The following CSMD1 variants were observed in gnomAD, a reference collection of about 807,000 sequenced individuals.
CSMD1 encodes CUB and Sushi multiple domains 1.
A neutral mutation model predicts 417.5 loss-of-function variants in CSMD1; 213 were observed. The observed-to-expected ratio is 0.51, with a 90% confidence interval of 0.46 to 0.57. The LOEUF is 0.57. Among genes scored for constraint, CSMD1 ranks in the 20% least tolerant of loss-of-function variants. The probability of loss-of-function intolerance (pLI) is 0.00; values close to 1 mark genes in which losing one functional copy is unlikely to be tolerated. For missense variants in CSMD1, 6,923 were observed against 4,529.7 expected, an observed-to-expected ratio of 1.53 and a Z score of -15.17; for synonymous variants, 2,862 against 1,736.8, an observed-to-expected ratio of 1.65 and a Z score of -16.11.
intron 37 of CSMD1, among the ~76,000 whole-genome samples, chr8:3,167,498 T>C (rs191120532): frequency 1.3e-5 from 2 of 152,142 alleles, no homozygotes; most frequent in Non-Finnish European, 2.9e-5. Flanking sequence ...AACGCAGGCA[T>C]TGGGAAAGGA....
At position 4,206,511 on chromosome 8, in the gene CSMD1, G is replaced by T. The variant is rs368470704; in HGVS notation, c.416-174412C>A. On this transcript the variant is annotated intron_variant, in intron 3 of 69. Transcript: ENST00000635120. ...TCGTCCATGTCCCTACAAAGGACAT[G>T]AACTCATCCTTTTTTATGGCTGCCT... Among the ~76,000 whole-genome samples the T allele has an allele frequency of 1.2e-3, 186 of 152,260 alleles. No homozygotes were observed. In the Middle Eastern group the frequency reaches 0.02, roughly 17 times the overall value.
intron 1 of CSMD1, among the ~76,000 whole-genome samples, chr8:4,889,290 G>T (rs994059853): frequency 6.6e-6 from 1 of 152,076 alleles, no homozygotes; most frequent in African/African-American, 2.4e-5. Flanking sequence ...ATTGAATCAT[G>T]AGGAAACATT....
intron 2 of CSMD1, among the ~76,000 whole-genome samples, chr8:4,438,001 G>C (rs949681232): frequency 6.6e-6 from 1 of 152,104 alleles, no homozygotes; most frequent in Non-Finnish European, 1.5e-5. Flanking sequence ...AAAGTGGTCT[G>C]ATCTGCATTT....
intron 3 of CSMD1, among the ~76,000 whole-genome samples, chr8:4,079,732 T>C (rs1318484036): frequency 6.6e-6 from 1 of 152,216 alleles, no homozygotes. Context: ...GCCCAATGGA[T>C]ATTTTTGTAG....
intron 2 of CSMD1, among the ~76,000 whole-genome samples, chr8:4,567,632 G>T (rs976599388): frequency 1.3e-5 from 2 of 152,062 alleles, no homozygotes; most frequent in African/African-American, 4.8e-5. Flanking sequence ...ATGAGATGAT[G>T]CTCCTCCTTT....
chr8:3,271,855 G>C (rs929075864), intron 26 of CSMD1, among the ~76,000 whole-genome samples: 7 of 151,988 alleles, frequency 4.6e-5, no homozygotes, highest in African/African-American at 1.7e-4. Context: ...AGTAGGTTGT[G>C]AAAATTTTCT....
chr8:3,645,563 T>C (rs193072305), intron 7 of CSMD1, among the ~76,000 whole-genome samples: 12 of 152,256 alleles, frequency 7.9e-5, no homozygotes, highest in Admixed American at 7.8e-4. Flanking sequence ...ATGGGAAGTG[T>C]CAGTCTTCTG....
At chr8:4,586,450 C>T (rs1799704433) in intron 2 of CSMD1, among the ~76,000 whole-genome samples, 1 of 152,144 alleles carries the variant, frequency 6.6e-6, no homozygotes. Context: ...GTTTCAAATT[C>T]ATAACTGTGA....
intron 1 of CSMD1, among the ~76,000 whole-genome samples, chr8:4,643,176 T>C (rs975853831): frequency 6.6e-5 from 10 of 152,240 alleles, no homozygotes; most frequent in Admixed American, 2.0e-4. Flanking sequence ...TTTATCCCGT[T>C]TGCAAAAAGC....
intron 5 of CSMD1, among the ~76,000 whole-genome samples, chr8:3,965,567 T>C (rs148154812): frequency 5.4e-4 from 82 of 152,278 alleles, no homozygotes; most frequent in African/African-American, 1.9e-3. Flanking sequence ...GGTCTTTCAA[T>C]TCCAGGCCTT....
chr8:4,210,323 A>C (rs965998167), intron 3 of CSMD1, among the ~76,000 whole-genome samples: 1 of 152,172 alleles, frequency 6.6e-6, no homozygotes, highest in Non-Finnish European at 1.5e-5. Flanking sequence ...CAAGTGTGGG[A>C]TTGTGCTGTG....
intron 7 of CSMD1, among the ~76,000 whole-genome samples, chr8:3,682,136 G>C (rs940552071): frequency 8.5e-5 from 13 of 152,238 alleles, no homozygotes; most frequent in Non-Finnish European, 1.8e-4. Context: ...CATGGGCAAG[G>C]ACTTCATGTC....
intron 7 of CSMD1, among the ~76,000 whole-genome samples, chr8:3,688,781 C>G (rs544854652): frequency 1.3e-5 from 2 of 152,072 alleles, no homozygotes; most frequent in African/African-American, 4.8e-5. Flanking sequence ...TTCTGACATG[C>G]TAGAGTATAC....
At chr8:4,965,477 A>T (rs1160315163) in intron 1 of CSMD1, among the ~76,000 whole-genome samples, 2 of 152,224 alleles carry the variant, frequency 1.3e-5, no homozygotes, top group East Asian at 3.9e-4. Context: ...TGGATTCAGA[A>T]GGATCAGAAG....
intron 5 of CSMD1, 46 bp downstream of exon 5, chr8:3,997,857 G>T (rs1815337297): frequency 1.3e-6 from 2 of 1,534,390 alleles, no homozygotes; most frequent in East Asian, 2.3e-5. Flanking sequence ...GAAAAAACGG[G>T]GAAAACACAC....
At chr8:3,954,596 T>A (rs1811811867) in intron 5 of CSMD1, among the ~76,000 whole-genome samples, 2 of 152,212 alleles carry the variant, frequency 1.3e-5, no homozygotes, top group South Asian at 4.1e-4. Context: ...ACGCCTGACC[T>A]CGTGATCCGC....
At chr8:4,784,529 C>T (rs1797305396) in intron 1 of CSMD1, among the ~76,000 whole-genome samples, 1 of 152,162 alleles carries the variant, frequency 6.6e-6, no homozygotes, top group Non-Finnish European at 1.5e-5. Flanking sequence ...GAGACAGACC[C>T]TTTAGTGTTT....
intron 26 of CSMD1, among the ~76,000 whole-genome samples, chr8:3,233,746 C>G (rs569392440): frequency 2.7e-4 from 41 of 152,270 alleles, no homozygotes; most frequent in Admixed American, 9.8e-4. Flanking sequence ...ATTTGTACTT[C>G]TGTTCTGGGG....
intron 2 of CSMD1, among the ~76,000 whole-genome samples, chr8:4,535,381 C>G (rs568871656): frequency 4.6e-5 from 7 of 152,088 alleles, no homozygotes; most frequent in Non-Finnish European, 8.8e-5. Flanking sequence ...TAACAAGTTA[C>G]TTTTGTAGCG....
Sources: gnomAD v4.1 joint callset for allele counts (sites outside exome capture counted in the v4.1 genomes callset) on GRCh38, gnomAD v4.1.1 for gene constraint, MANE v1.5 for transcripts, NCBI Gene and HGNC (gene_info 2026-07-23, HGNC 2026-07-21) for gene names.